Variants in RAB3C observed in about 807,000 individuals in gnomAD.
RAB3C encodes ras-related protein Rab-3C.
A neutral mutation model predicts 26.4 loss-of-function variants in RAB3C; 17 were observed. That is an observed-to-expected ratio of 0.64 (90% CI 0.44 to 0.97). The LOEUF is 0.97. Among genes scored for constraint, RAB3C ranks in the 50% least tolerant of loss-of-function variants. The probability of loss-of-function intolerance (pLI) is 0.00; values close to 1 mark genes in which losing one functional copy is unlikely to be tolerated. For missense variants in RAB3C, 242 were observed against 281.9 expected, an observed-to-expected ratio of 0.86 and a Z score of 1.01; for synonymous variants, 91 against 95.9, an observed-to-expected ratio of 0.95 and a Z score of 0.30.
At chr5:58,582,526 C>A, upstream of RAB3C, 2 of 392,764 alleles carry the variant, frequency 5.1e-6, no homozygotes, top group Non-Finnish European at 6.9e-6. Context: ...CTTCTCAGTG[C>A]AATTATGCGG....
intron 3 of RAB3C, among the ~76,000 whole-genome samples, chr5:58,788,995 CT>C (rs1159754539): frequency 2.6e-5 from 4 of 152,036 alleles, no homozygotes; most frequent in Non-Finnish European, 5.9e-5. Flanking sequence ...CTTTAGGAGT[CT>C]ATGCTAAGGA....
At chr5:58,782,195 C>T (rs78453382) in intron 3 of RAB3C, among the ~76,000 whole-genome samples, 38 of 152,216 alleles carry the variant, frequency 2.5e-4, no homozygotes, top group African/African-American at 8.7e-4. Context: ...TGGCACTTGT[C>T]TACTGGTATA....
rs567239808 is a variant in RAB3C at position 58,678,569 on chromosome 5, A to G, written c.253-47433A>G. Among the ~76,000 whole-genome samples the G allele has an allele frequency of 5.3e-5, 8 of 152,340 alleles. No individual in the cohort carries two copies. In the South Asian group the frequency reaches 1.7e-3, roughly 32 times the overall value. On this transcript the variant is annotated intron_variant, in intron 2 of 4. Coordinates refer to ENST00000282878, the MANE Select transcript of RAB3C (RefSeq NM_138453.4). ...CTATATATTGTTTATATTTTAACAT[A>G]GTCTTCCCTGCATGTTTCAGAGAAA... is the stretch of plus-strand genomic sequence containing the variant.
At chr5:58,849,884 C>G (rs1320744810) in intron 4 of RAB3C, among the ~76,000 whole-genome samples, 7 of 152,210 alleles carry the variant, frequency 4.6e-5, no homozygotes, top group Non-Finnish European at 8.8e-5. Flanking sequence ...AAATATTAAT[C>G]TGTTCTTTTT....
intron 3 of RAB3C, among the ~76,000 whole-genome samples, chr5:58,819,538 ACAATAG>A (rs1333101161): frequency 6.6e-6 from 1 of 152,226 alleles, no homozygotes; most frequent in Non-Finnish European, 1.5e-5. Context: ...TATCAAGAAC[ACAATAG>A]CATTTTACGA....
At chr5:58,730,318 A>C (rs1740988217) in intron 3 of RAB3C, among the ~76,000 whole-genome samples, 1 of 152,050 alleles carries the variant, frequency 6.6e-6, no homozygotes, top group South Asian at 2.1e-4. Flanking sequence ...TGTTTAAGGA[A>C]TAGGAATAGA....
In RAB3C at chr5:58,720,728, A is replaced by G. The variant is rs147158228; in HGVS notation, c.253-5274A>G. Among the ~76,000 whole-genome samples the G allele has an allele frequency of 2.6e-5, 4 of 151,924 alleles. No homozygotes were observed. The East Asian group carries it at 7.8e-4, about 30-fold the overall frequency. On this transcript the variant is annotated intron_variant, in intron 2 of 4. Coordinates refer to ENST00000282878, the MANE Select transcript of RAB3C (RefSeq NM_138453.4). ...GGTTTCTCCACCTATAAAATTGTCT[A>G]CTTTATCATGTATCAGGATTGTCTG...
chr5:58,740,262 G>T (rs886245275), intron 3 of RAB3C, among the ~76,000 whole-genome samples: 11 of 152,146 alleles, frequency 7.2e-5, no homozygotes, highest in African/African-American at 2.4e-4. Context: ...TCACGCCTGG[G>T]CCTGAATGAG....
At chr5:58,804,671 G>GTGTA (rs1171703806) in intron 3 of RAB3C, among the ~76,000 whole-genome samples, 1 of 136,224 alleles carries the variant, frequency 7.3e-6, no homozygotes, top group African/African-American at 2.5e-5. Context: ...GTGCATATGT[G>GTGTA]TGTGTGTGTG....
At chr5:58,755,568 C>A (rs1211002009) in intron 3 of RAB3C, among the ~76,000 whole-genome samples, 1 of 152,144 alleles carries the variant, frequency 6.6e-6, no homozygotes, top group East Asian at 1.9e-4. Flanking sequence ...CAGGACCAGG[C>A]AAGGGTGGCT....
chr5:58,603,780 A>C (rs1746504415), intron 1 of RAB3C, among the ~76,000 whole-genome samples: 1 of 152,182 alleles, frequency 6.6e-6, no homozygotes, highest in South Asian at 2.1e-4. Context: ...TAGCTTAATA[A>C]CTAACTGCCT....
intron 1 of RAB3C, among the ~76,000 whole-genome samples, chr5:58,585,445 C>A (rs1745991428): frequency 6.6e-6 from 1 of 151,672 alleles, no homozygotes; most frequent in African/African-American, 2.4e-5. Flanking sequence ...ATATATGCCC[C>A]AAATATTTTT....
At chr5:58,724,953 A>G (rs1482100999) in intron 2 of RAB3C, among the ~76,000 whole-genome samples, 1 of 151,892 alleles carries the variant, frequency 6.6e-6, no homozygotes, top group African/African-American at 2.4e-5. Context: ...TTTGGGCTTC[A>G]TACTAGAGTT....
chr5:58,844,002 C>A (rs1423361), intron 4 of RAB3C, among the ~76,000 whole-genome samples: 79,201 of 151,970 alleles, frequency 0.52, 21,158 homozygotes, highest in Middle Eastern at 0.68. Context: ...AATTAGCCAA[C>A]ATCTACTGGA....
chr5:58,809,006 T>C (rs544934768), intron 3 of RAB3C, among the ~76,000 whole-genome samples: 106 of 152,348 alleles, frequency 7.0e-4, no homozygotes, highest in African/African-American at 2.5e-3. Context: ...TAACATAAGA[T>C]GATAATGTTG....
intron 3 of RAB3C, among the ~76,000 whole-genome samples, chr5:58,746,408 G>C (rs192638532): frequency 7.0e-4 from 107 of 152,290 alleles, no homozygotes; most frequent in African/African-American, 2.3e-3. Flanking sequence ...GTGATATGCT[G>C]AATAATTTGA....
At chr5:58,822,732 A>C (rs1467384575) in intron 3 of RAB3C, 2 of 490,050 alleles carry the variant, frequency 4.1e-6, no homozygotes, top group Admixed American at 2.5e-5. Context: ...TAGTCTGCGC[A>C]GCATATGTAC....
intron 2 of RAB3C, among the ~76,000 whole-genome samples, chr5:58,620,660 C>T (rs1448995461): frequency 6.6e-6 from 1 of 152,186 alleles, no homozygotes; most frequent in East Asian, 1.9e-4. Context: ...GCATGTAGGA[C>T]AGTTAAATAA....
At chr5:58,778,501 C>T (rs1209045727) in intron 3 of RAB3C, among the ~76,000 whole-genome samples, 3 of 152,140 alleles carry the variant, frequency 2.0e-5, no homozygotes, top group South Asian at 2.1e-4. Context: ...CTGTGAATCT[C>T]AACTAATCCA....
Sources: allele counts gnomAD v4.1 joint callset (sites outside exome capture counted in the v4.1 genomes callset), GRCh38; gene constraint gnomAD v4.1.1; transcripts MANE v1.5; gene names NCBI Gene and HGNC (gene_info 2026-07-23, HGNC 2026-07-21).